The following DTNB variants were observed in gnomAD, a reference collection of about 807,000 sequenced individuals.
DTNB encodes the protein DTN-B.
Under a neutral mutation model 90.7 loss-of-function variants are expected in DTNB, and 63 were observed. That is an observed-to-expected ratio of 0.69 (90% CI 0.57 to 0.86). The LOEUF (loss-of-function observed/expected upper bound fraction) is 0.86, where lower values mean the gene tolerates loss of function less well. DTNB is among the 40% of genes least tolerant of loss of function. The pLI is 0.00. For missense variants in DTNB, 744 were observed against 807.1 expected (o/e 0.92, Z 0.95); for synonymous variants, 277 against 286.7 (o/e 0.97, Z 0.34).
chr2:25,501,380 C>A (rs573406246), intron 9 of DTNB, among the ~76,000 whole-genome samples: 29 of 152,194 alleles, frequency 1.9e-4, no homozygotes, highest in Non-Finnish European at 4.1e-4. Context: ...CCATGCCCAG[C>A]TAATTTTTTG....
intron 16 of DTNB, among the ~76,000 whole-genome samples, chr2:25,399,768 C>T: frequency 6.6e-6 from 1 of 152,254 alleles, no homozygotes; most frequent in Non-Finnish European, 1.5e-5. Flanking sequence ...TCAATGTGGG[C>T]TAGGCCTAGT....
intron 10 of DTNB, among the ~76,000 whole-genome samples, chr2:25,468,290 G>T (rs549624426): frequency 3.0e-4 from 46 of 152,262 alleles, no homozygotes; most frequent in African/African-American, 9.9e-4. Flanking sequence ...GAAGCTCCCA[G>T]GAAAAGCAAC....
intron 12 of DTNB, among the ~76,000 whole-genome samples, chr2:25,439,927 T>C (rs897264832): frequency 6.6e-6 from 1 of 152,170 alleles, no homozygotes; most frequent in African/African-American, 2.4e-5. Flanking sequence ...ACTCTTAAAC[T>C]GAAGATAAAC....
At chr2:25,495,014 G>A (rs918396114) in intron 9 of DTNB, among the ~76,000 whole-genome samples, 5 of 151,846 alleles carry the variant, frequency 3.3e-5, no homozygotes, top group African/African-American at 1.2e-4. Flanking sequence ...CAGTGCTCAG[G>A]GTGCAGGCAC....
chr2:25,563,714 T>G (rs990263544), intron 8 of DTNB, among the ~76,000 whole-genome samples: 1 of 152,198 alleles, frequency 6.6e-6, no homozygotes, highest in Non-Finnish European at 1.5e-5. Context: ...AAGACTATTC[T>G]TTCCTCCATT....
rs181821669 is a variant in DTNB, at chr2:25,413,835, G to C, written c.1575+5680C>G. On this transcript the variant is annotated intron_variant, in intron 16 of 20. Coordinates refer to ENST00000406818, the MANE Select transcript of DTNB (RefSeq NM_021907.5). ...GGGTCAAATGGTATTTCTAGTTATA[G>C]ATCCTTGAGGAATTGCCACACCGTC... Among the ~76,000 whole-genome samples, 12 of 152,306 alleles carry C rather than the reference G, an allele frequency of 7.9e-5. No individual in the cohort carries two copies. The East Asian group carries it at 1.9e-3, about 24-fold the overall frequency.
intron 6 of DTNB, among the ~76,000 whole-genome samples, chr2:25,581,614 C>T (rs2148211474): frequency 6.6e-6 from 1 of 152,240 alleles, no homozygotes; most frequent in East Asian, 1.9e-4. Context: ...CACTTAGACA[C>T]CAAATTAGAA....
At chr2:25,570,826 G>A (rs1350322922) in intron 8 of DTNB, among the ~76,000 whole-genome samples, 4 of 152,180 alleles carry the variant, frequency 2.6e-5, no homozygotes, top group Middle Eastern at 3.4e-3. Flanking sequence ...TCTCTTCATG[G>A]TGTAAGTGGT....
intron 1 of DTNB, among the ~76,000 whole-genome samples, chr2:25,664,248 A>T (rs2083878799): frequency 6.6e-6 from 1 of 152,224 alleles, no homozygotes; most frequent in South Asian, 2.1e-4. Flanking sequence ...TTCATAATAT[A>T]AATAGAAGTA....
chr2:25,455,554 G>T, intron 10 of DTNB, 60 bp from the exon 11 acceptor site: 1 of 1,392,988 alleles, frequency 7.2e-7, no homozygotes, highest in South Asian at 1.3e-5. Flanking sequence ...AGGGAGAAAT[G>T]AACATGGATT....
Position 25,416,447 on chromosome 2 carries a change from G to A in DTNB, c.1575+3068C>T, listed in dbSNP as rs143494828. Reference sequence around the variant, plus strand: ...AACACTTTGGGAGGCCAATGCGGGCGGATCAACTGAGGTCAGGAGTCCGAG... The same window carrying A: ...AACACTTTGGGAGGCCAATGCGGGCAGATCAACTGAGGTCAGGAGTCCGAG... On this transcript the variant is annotated intron_variant, in intron 16 of 20. Coordinates refer to ENST00000406818, the MANE Select transcript of DTNB (RefSeq NM_021907.5). 4.4e-3 allele frequency among the ~76,000 whole-genome samples: 665 copies of A among 152,288 alleles called. 6 individuals carry two copies. Among genetic ancestry groups the A allele is most frequent in the East Asian group, 0.012 (63 of 5,180 alleles).
intron 2 of DTNB, among the ~76,000 whole-genome samples, chr2:25,642,320 A>C (rs1162142289): frequency 6.6e-6 from 1 of 152,174 alleles, no homozygotes; most frequent in Non-Finnish European, 1.5e-5. Flanking sequence ...TCATCTGATC[A>C]TAAGCATTGC....
chr2:25,508,533 CTT>C lies in DTNB; in HGVS notation c.1001+22938_1001+22939del, dbSNP rs557156231. ...TTTTTTTTTGAGATGGAGTTTCGCT[CTT>C]TGTTTTTTATTTTTTTGAGATGGAG... On this transcript the variant is annotated intron_variant, in intron 9 of 20. Transcript: ENST00000406818. Among the ~76,000 whole-genome samples the C allele has an allele frequency of 1.1e-3, 125 of 112,738 alleles. 1 individual carries two copies. Among genetic ancestry groups the C allele is most frequent in the South Asian group, 4.1e-3 (16 of 3,868 alleles). 74.0% of individuals were successfully genotyped at this position (112,738 alleles called of 152,430 possible).
At chr2:25,469,106 A>C (rs990206501) in intron 10 of DTNB, among the ~76,000 whole-genome samples, 7 of 152,214 alleles carry the variant, frequency 4.6e-5, no homozygotes, top group African/African-American at 9.7e-5. Flanking sequence ...GACATTAATC[A>C]AGTATTTATA....
At chr2:25,460,048 A>C (rs2060694902) in intron 10 of DTNB, among the ~76,000 whole-genome samples, 1 of 152,172 alleles carries the variant, frequency 6.6e-6, no homozygotes, top group Admixed American at 6.5e-5. Context: ...GTGAGAGACA[A>C]GAGTGGGCTA....
At chr2:25,488,140 T>A (rs1462050739) in intron 9 of DTNB, among the ~76,000 whole-genome samples, 2 of 151,980 alleles carry the variant, frequency 1.3e-5, no homozygotes, top group African/African-American at 4.8e-5. Flanking sequence ...TCATGTAGGA[T>A]ATATTGGGAA....
chr2:25,626,746 C>T (rs1250056479), intron 4 of DTNB, among the ~76,000 whole-genome samples: 1 of 152,216 alleles, frequency 6.6e-6, no homozygotes, highest in East Asian at 1.9e-4. Flanking sequence ...AATTCACAGA[C>T]TCCTCCCTAT....
intron 5 of DTNB, among the ~76,000 whole-genome samples, chr2:25,606,419 T>C (rs536470595): frequency 2.0e-5 from 3 of 152,286 alleles, no homozygotes; most frequent in South Asian, 2.1e-4. Context: ...CACAATCACA[T>C]AGCTCAGAAC....
intron 14 of DTNB, among the ~76,000 whole-genome samples, chr2:25,429,040 GCTGT>G (rs1173651993): frequency 1.3e-5 from 2 of 151,984 alleles, no homozygotes; most frequent in African/African-American, 4.8e-5. Context: ...CGAGACCTAC[GCTGT>G]CTATCACAGC....
Sources: gnomAD v4.1 joint callset for allele counts (sites outside exome capture counted in the v4.1 genomes callset) on GRCh38, gnomAD v4.1.1 for gene constraint, MANE v1.5 for transcripts, NCBI Gene and HGNC (gene_info 2026-07-23, HGNC 2026-07-21) for gene names.